The following NLRP11 variants were observed in gnomAD, a reference collection of about 807,000 sequenced individuals.
NLRP11 encodes the protein NACHT, LRR and PYD domains-containing protein 11.
NLRP11 carries 53 observed loss-of-function variants against 79.3 expected under a neutral mutation model. The ratio of observed to expected loss-of-function variants is 0.67; its 90% confidence interval spans 0.54 to 0.84. NLRP11 has a LOEUF of 0.84. Among genes scored for constraint, NLRP11 ranks in the 40% least tolerant of loss-of-function variants. The pLI is 0.00. For synonymous variants in NLRP11, 518 were observed against 462.6 expected, an observed-to-expected ratio of 1.12 and a Z score of -1.54; for missense variants, 1,264 against 1,255.0, an observed-to-expected ratio of 1.01 and a Z score of -0.11.
chr19:55,787,156 C>G (rs1298332697), intron 9 of NLRP11, among the ~76,000 whole-genome samples: 1 of 152,124 alleles, frequency 6.6e-6, no homozygotes, highest in African/African-American at 2.4e-5. Context: ...GCTCAGTAAC[C>G]TGAATATGAT....
intron 2 of NLRP11, among the ~76,000 whole-genome samples, chr19:55,811,404 C>A (rs896284959): frequency 6.6e-6 from 1 of 152,168 alleles, no homozygotes; most frequent in Non-Finnish European, 1.5e-5. Flanking sequence ...TGGGTAAGGG[C>A]AGGCAAAAGA....
At chr19:55,813,126 G>A (rs1013903042) in intron 2 of NLRP11, among the ~76,000 whole-genome samples, 1 of 152,054 alleles carries the variant, frequency 6.6e-6, no homozygotes, top group African/African-American at 2.4e-5. Flanking sequence ...TCAGGAGTTC[G>A]AGACCAGCCT....
chr19:55,796,018 T>C (rs74585607), intron 6 of NLRP11, 62 bp downstream of exon 6: 25,041 of 1,431,100 alleles, frequency 0.017, 303 homozygotes, highest in Middle Eastern at 0.073. Flanking sequence ...TCTTTGATCA[T>C]GTGCTTAGAT....
At chr19:55,807,003 C>A (rs1980062798) in intron 4 of NLRP11, among the ~76,000 whole-genome samples, 2 of 152,164 alleles carry the variant, frequency 1.3e-5, no homozygotes, top group Admixed American at 1.3e-4. Context: ...CTTATGCACC[C>A]TGACCTTGCC....
intron 5 of NLRP11, among the ~76,000 whole-genome samples, chr19:55,799,305 C>T (rs1399766949): frequency 2.0e-5 from 3 of 152,124 alleles, no homozygotes; most frequent in Non-Finnish European, 4.4e-5. Context: ...AAATACTTCA[C>T]TGAGTCTGAA....
At position 55,818,633 on chromosome 19, in the gene NLRP11, T is replaced by C. The variant is rs546327705; in HGVS notation, c.-62-397A>G. ...TGCTGTTGTATATGAAACTCCTCTA[T>C]GTTAGAATAATCTGTATAGCAATTG... On this transcript the variant is annotated intron_variant, in intron 1 of 9. Transcript: ENST00000589093. 1.2e-4 allele frequency among the ~76,000 whole-genome samples: 18 copies of C among 152,292 alleles called. No individual in the cohort carries two copies. In the South Asian group the frequency reaches 3.7e-3, roughly 32 times the overall value.
At chr19:55,823,355 T>C (rs1393190466) in intron 1 of NLRP11, among the ~76,000 whole-genome samples, 27 of 133,362 alleles carry the variant, frequency 2.0e-4, no homozygotes, top group Non-Finnish European at 2.8e-4. Context: ...ACGCAGAGTG[T>C]CTCTCCTCCT....
chr19:55,800,145 A>T (rs2122766573), intron 5 of NLRP11, among the ~76,000 whole-genome samples: 1 of 152,308 alleles, frequency 6.6e-6, no homozygotes, highest in Admixed American at 6.5e-5. Flanking sequence ...CTTGAAATTG[A>T]GAGTACAAGC....
chr19:55,798,837 A>C (rs1979200747), intron 5 of NLRP11, among the ~76,000 whole-genome samples: 1 of 152,142 alleles, frequency 6.6e-6, no homozygotes, highest in East Asian at 1.9e-4. Context: ...TAGCAAGCAA[A>C]GGTGTGGACA....
intron 9 of NLRP11, 65 bp from the exon 10 acceptor site, chr19:55,785,936 A>G (rs1368721685): frequency 1.4e-5 from 22 of 1,521,302 alleles, no homozygotes; most frequent in East Asian, 2.3e-5. Flanking sequence ...TGTTGCATCA[A>G]TGACTAATTC....
At chr19:55,811,298 A>G (rs1347090908) in intron 2 of NLRP11, among the ~76,000 whole-genome samples, 1 of 152,236 alleles carries the variant, frequency 6.6e-6, no homozygotes, top group African/African-American at 2.4e-5. Context: ...TAAAGCTGTC[A>G]TAGAGGTATG....
intron 1 of NLRP11, among the ~76,000 whole-genome samples, chr19:55,822,066 C>T (rs181876975): frequency 2.0e-5 from 3 of 152,202 alleles, no homozygotes; most frequent in Admixed American, 1.3e-4. Flanking sequence ...CGAGACTAGC[C>T]GGGCCATCAT....
intron 4 of NLRP11, among the ~76,000 whole-genome samples, chr19:55,805,982 G>C (rs1344031330): frequency 2.6e-5 from 4 of 152,170 alleles, no homozygotes. Context: ...CCTTGAATAA[G>C]GACTGCCATC....
At position 55,785,492 on chromosome 19, in the gene NLRP11, GTCACACACACACACAC is replaced by G. The variant is rs1392548925; in HGVS notation, c.*117_*132del. 3,731 of 652,778 alleles carry G rather than the reference GTCACACACACACACAC, an allele frequency of 5.7e-3. 23 individuals carry two copies. Among genetic ancestry groups the G allele is most frequent in the Non-Finnish European group, 4.2e-3 (1,675 of 396,958 alleles). 40.4% of individuals were successfully genotyped at this position (652,778 alleles called of 1,614,324 possible). On this transcript the variant is annotated 3_prime_UTR_variant, in exon 10 of 10. Coordinates refer to ENST00000589093, the Ensembl canonical transcript of NLRP11. ...ATTTGAAGTGGTTGACTGGATCAAGGTCACACACACACACACACACACACACACACACACACACACA... is the reference window on the plus strand; with the variant it reads ...ATTTGAAGTGGTTGACTGGATCAAGGACACACACACACACACACACACACA...
intron 9 of NLRP11, among the ~76,000 whole-genome samples, chr19:55,788,297 T>C (rs556234151): frequency 6.6e-6 from 1 of 152,108 alleles, no homozygotes; most frequent in South Asian, 2.1e-4. Flanking sequence ...CATCTTTTAC[T>C]CACCATTGAG....
rs535644261 is a variant in NLRP11 at position 55,804,829 on chromosome 19, C to T, written c.2003+3024G>A. Among the ~76,000 whole-genome samples, 15 of 152,208 alleles carry T rather than the reference C, an allele frequency of 9.9e-5. 1 individual carries two copies. In the East Asian group the frequency reaches 2.9e-3, roughly 29 times the overall value. On this transcript the variant is annotated intron_variant, in intron 4 of 9. Coordinates refer to ENST00000589093, the Ensembl canonical transcript of NLRP11. Reference sequence around the variant, plus strand: ...CCTGTAATCTCAGCACTTTGGGAGGCCGAGACAGGTGGATCACGAGGTCAA... The same window carrying T: ...CCTGTAATCTCAGCACTTTGGGAGGTCGAGACAGGTGGATCACGAGGTCAA...
chr19:55,822,177 T>G (rs1284762737), intron 1 of NLRP11, among the ~76,000 whole-genome samples: 2 of 152,058 alleles, frequency 1.3e-5, no homozygotes, highest in African/African-American at 4.8e-5. Context: ...GACAGGAGAA[T>G]CACTTGAACC....
intron 9 of NLRP11, among the ~76,000 whole-genome samples, chr19:55,787,202 A>G (rs974413861): frequency 6.6e-6 from 1 of 152,224 alleles, no homozygotes; most frequent in African/African-American, 2.4e-5. Context: ...ACAGAATGCT[A>G]GATATTGCCA....
At chr19:55,813,474 G>A (rs558341123) in intron 2 of NLRP11, among the ~76,000 whole-genome samples, 1 of 152,244 alleles carries the variant, frequency 6.6e-6, no homozygotes. Flanking sequence ...CTCCATTTGA[G>A]TTTTGTTTTC....
Sources: allele counts gnomAD v4.1 joint callset (sites outside exome capture counted in the v4.1 genomes callset), GRCh38; gene constraint gnomAD v4.1.1; transcripts MANE v1.5; gene names NCBI Gene and HGNC (gene_info 2026-07-23, HGNC 2026-07-21).